Variants in IL19 observed in about 807,000 individuals in gnomAD.
IL19 encodes the protein interleukin 19, also known as interleukin-19.
In IL19, 15 loss-of-function variants were observed where a neutral mutation model predicts 19.5. That is an observed-to-expected ratio of 0.77 (90% confidence interval 0.52 to 1.19). IL19 has a LOEUF of 1.19. Ranked by LOEUF, IL19 falls within the 50% of genes most tolerant of loss-of-function variation. The pLI is 0.00. For missense variants in IL19, 199 were observed against 213.1 expected, an observed-to-expected ratio of 0.93 and a Z score of 0.41; for synonymous variants, 78 against 78.3, an observed-to-expected ratio of 1.00 and a Z score of 0.02.
intron 2 of IL19, among the ~76,000 whole-genome samples, chr1:206,831,194 G>A (rs1466047172): frequency 6.6e-6 from 1 of 152,222 alleles, no homozygotes; most frequent in Non-Finnish European, 1.5e-5. Flanking sequence ...TGAGGTTGGA[G>A]TGCATGTTAG....
At chr1:206,838,916 G>A (rs780323780) in intron 4 of IL19, among the ~76,000 whole-genome samples, 2 of 152,164 alleles carry the variant, frequency 1.3e-5, no homozygotes, top group African/African-American at 2.4e-5. Flanking sequence ...TTCTGGTTAA[G>A]AGAATCAGCA....
chr1:206,833,024 C>T (rs1202265381), intron 2 of IL19, among the ~76,000 whole-genome samples: 2 of 152,192 alleles, frequency 1.3e-5, no homozygotes, highest in African/African-American at 4.8e-5. Flanking sequence ...CATAATTGCA[C>T]CTCATCCCAA....
Position 206,830,934 on chromosome 1 carries a change from T to C in IL19, c.-2-5727T>C, listed in dbSNP as rs1419470819. On this transcript the variant is annotated intron_variant, in intron 2 of 6. Transcript: ENST00000659997. ...CATACTTCTTCGTGTTTTATAGTCC[T>C]CATAATGATAGGTTCTTTCTCAAAT... 5.3e-5 allele frequency among the ~76,000 whole-genome samples: 8 copies of C among 152,326 alleles called. No individual in the cohort carries two copies. The East Asian group carries it at 9.6e-4, about 18-fold the overall frequency.
At chr1:206,825,969 C>T (rs34969013) in intron 2 of IL19, among the ~76,000 whole-genome samples, 2,556 of 152,286 alleles carry the variant, frequency 0.017, 35 homozygotes, top group Middle Eastern at 0.044. Context: ...AACTGAGAGA[C>T]CAACTTAAAA....
At chr1:206,818,029 G>T (rs1218135729) in intron 2 of IL19, among the ~76,000 whole-genome samples, 1 of 152,158 alleles carries the variant, frequency 6.6e-6, no homozygotes, top group Non-Finnish European at 1.5e-5. Flanking sequence ...CTCCAAAAGT[G>T]CTGGGATTGC....
intron 2 of IL19, among the ~76,000 whole-genome samples, chr1:206,830,373 A>G (rs1676560228): frequency 6.6e-6 from 1 of 152,188 alleles, no homozygotes; most frequent in South Asian, 2.1e-4. Context: ...AAACAAAAAC[A>G]AAACAAAGGA....
At chr1:206,838,757 TTCCCTTC>T (rs1348194204) in intron 4 of IL19, among the ~76,000 whole-genome samples, 7 of 128,298 alleles carry the variant, frequency 5.5e-5, no homozygotes, top group Non-Finnish European at 1.0e-4. Context: ...TTCCCTTCCC[TTCCCTTC>T]CCTTCCCTTC....
intron 1 of IL19, among the ~76,000 whole-genome samples, chr1:206,787,704 T>C (rs1675299257): frequency 6.6e-6 from 1 of 152,140 alleles, no homozygotes; most frequent in South Asian, 2.1e-4. Flanking sequence ...TGTCAATAGG[T>C]TGAAATACTT....
At chr1:206,808,655 G>A (rs572004587) in intron 2 of IL19, among the ~76,000 whole-genome samples, 55 of 152,138 alleles carry the variant, frequency 3.6e-4, no homozygotes, top group Non-Finnish European at 5.7e-4. Flanking sequence ...AAGAAAACTC[G>A]CGGTAGGTTA....
chr1:206,829,317 G>A (rs888109659), intron 2 of IL19, among the ~76,000 whole-genome samples: 3 of 152,066 alleles, frequency 2.0e-5, no homozygotes, highest in Non-Finnish European at 4.4e-5. Context: ...TGTATCCAGC[G>A]GGAATATAAA....
chr1:206,777,541 A>G (rs949885603), intron 1 of IL19, among the ~76,000 whole-genome samples: 3 of 152,162 alleles, frequency 2.0e-5, no homozygotes, highest in African/African-American at 7.2e-5. Flanking sequence ...GCAGGCTAGC[A>G]GCCTTGTGAG....
intron 1 of IL19, among the ~76,000 whole-genome samples, chr1:206,786,800 A>T (rs1220892784): frequency 6.6e-6 from 1 of 152,136 alleles, no homozygotes; most frequent in South Asian, 2.1e-4. Flanking sequence ...TAAAGGCCAC[A>T]TGGAGGTTTA....
At chr1:206,829,531 G>A (rs996867308) in intron 2 of IL19, among the ~76,000 whole-genome samples, 2 of 152,184 alleles carry the variant, frequency 1.3e-5, no homozygotes, top group African/African-American at 4.8e-5. Flanking sequence ...ATCTGCAAGA[G>A]AGATGAGGCG....
At chr1:206,810,131 A>G (rs1331133799) in intron 2 of IL19, among the ~76,000 whole-genome samples, 1 of 152,246 alleles carries the variant, frequency 6.6e-6, no homozygotes, top group Admixed American at 6.5e-5. Context: ...TTACTAATAA[A>G]TACTGGCAGA....
In IL19 at chr1:206,773,586, T is replaced by TTGTGTGTGTG. The variant is rs2234662; in HGVS notation, c.-149+2544_-149+2553dup. 9.3e-3 allele frequency among the ~76,000 whole-genome samples: 1,231 copies of TTGTGTGTGTG among 131,844 alleles called. 17 individuals carry two copies. The highest frequency in any genetic ancestry group is 0.025 in the East Asian group (114 of 4,506). The allele number at this position is 131,844 out of a possible 152,430, so 86.5% of individuals were successfully genotyped here. ...AAGCCTTAGTAGTGTTGTCTTGGAT[T>TTGTGTGTGTG]TGTGTGTGTGTGTGTGTGTGTGTGT... On this transcript the variant is annotated intron_variant, in intron 1 of 6. Coordinates refer to ENST00000659997, the MANE Select transcript of IL19 (RefSeq NM_153758.5).
chr1:206,817,846 C>A (rs1029375310), intron 2 of IL19, among the ~76,000 whole-genome samples: 4 of 151,842 alleles, frequency 2.6e-5, no homozygotes, highest in Admixed American at 1.3e-4. Context: ...TCACTGCAAC[C>A]TCTGCCTTCT....
intron 2 of IL19, among the ~76,000 whole-genome samples, chr1:206,811,360 C>T (rs778527462): frequency 1.6e-4 from 24 of 148,924 alleles, no homozygotes; most frequent in Middle Eastern, 3.4e-3. Flanking sequence ...GGGAGAATGG[C>T]GAGAACCCAG....
rs796856455 is a variant in IL19 at position 206,821,912 on chromosome 1, G to A, written c.-2-14749G>A. Among the ~76,000 whole-genome samples the A allele has an allele frequency of 5.3e-5, 8 of 152,314 alleles. 1 individual carries two copies. Among genetic ancestry groups the A allele is most frequent in the African/African-American group, 1.9e-4 (8 of 41,552 alleles). On this transcript the variant is annotated intron_variant, in intron 2 of 6. Coordinates refer to ENST00000659997, the MANE Select transcript of IL19 (RefSeq NM_153758.5). ...TGGTCTGCACCTTAATTTGGAAGAGGTGTCCAGGTTCTTCAAGTTCCCACA... is the reference window on the plus strand; with the variant it reads ...TGGTCTGCACCTTAATTTGGAAGAGATGTCCAGGTTCTTCAAGTTCCCACA...
intron 2 of IL19, among the ~76,000 whole-genome samples, chr1:206,814,038 A>G (rs1009615163): frequency 6.6e-6 from 1 of 152,176 alleles, no homozygotes; most frequent in Non-Finnish European, 1.5e-5. Flanking sequence ...AAATCTTTTT[A>G]TATATAGTAA....
Sources: gnomAD v4.1 joint callset for allele counts (sites outside exome capture counted in the v4.1 genomes callset) on GRCh38, gnomAD v4.1.1 for gene constraint, MANE v1.5 for transcripts, NCBI Gene and HGNC (gene_info 2026-07-23, HGNC 2026-07-21) for gene names.